The following TMTC2 variants were observed in gnomAD, a reference collection of about 807,000 sequenced individuals.
The protein encoded by TMTC2 is transmembrane O-mannosyltransferase targeting cadherins 2.
TMTC2 carries 43 observed loss-of-function variants against 82.4 expected under a neutral mutation model. That is an observed-to-expected ratio of 0.52 (90% CI 0.41 to 0.67). The LOEUF (loss-of-function observed/expected upper bound fraction) is 0.67. TMTC2 is among the 30% of genes least tolerant of loss of function. The pLI is 0.00. For synonymous variants in TMTC2, 408 were observed against 381.9 expected, an observed-to-expected ratio of 1.07 and a Z score of -0.80; for missense variants, 919 against 1,012.4, an observed-to-expected ratio of 0.91 and a Z score of 1.25.
At chr12:82,761,656 A>G (rs1876638969) in intron 1 of TMTC2, among the ~76,000 whole-genome samples, 2 of 151,800 alleles carry the variant, frequency 1.3e-5, no homozygotes, top group Admixed American at 1.3e-4. Context: ...TCTCTTTTCC[A>G]CCCCGGAACC....
At chr12:83,004,901 G>A (rs12425661) in intron 8 of TMTC2, among the ~76,000 whole-genome samples, 1 of 151,458 alleles carries the variant, frequency 6.6e-6, no homozygotes, top group Non-Finnish European at 1.5e-5. Flanking sequence ...AAGGCAGGCA[G>A]ATCAATTTGG....
intron 8 of TMTC2, among the ~76,000 whole-genome samples, chr12:83,014,208 G>A (rs369807757): frequency 1.3e-5 from 2 of 152,082 alleles, no homozygotes; most frequent in African/African-American, 2.4e-5. Flanking sequence ...TGTCACCCAG[G>A]CTGGAGTGTA....
chr12:82,956,527 G>A (rs1343599726), intron 4 of TMTC2, among the ~76,000 whole-genome samples: 12 of 152,056 alleles, frequency 7.9e-5, no homozygotes, highest in African/African-American at 2.9e-4. Context: ...TCAGCTCACT[G>A]CACCCTCCAT....
At chr12:82,989,843 C>A (rs1329670381) in intron 8 of TMTC2, among the ~76,000 whole-genome samples, 2 of 150,858 alleles carry the variant, frequency 1.3e-5, no homozygotes, top group Non-Finnish European at 3.0e-5. Flanking sequence ...AATTTTTAAT[C>A]CCCCCCACCA....
intron 11 of TMTC2, among the ~76,000 whole-genome samples, chr12:83,071,378 C>A (rs1883109078): frequency 6.6e-6 from 1 of 152,000 alleles, no homozygotes. Flanking sequence ...AGGATGGTCT[C>A]AATCTCCTGA....
At chr12:82,836,962 C>A (rs191181083) in intron 1 of TMTC2, among the ~76,000 whole-genome samples, 1 of 152,318 alleles carries the variant, frequency 6.6e-6, no homozygotes, top group Non-Finnish European at 1.5e-5. Context: ...AGTCTGCCAT[C>A]ACTTTTTTCC....
intron 4 of TMTC2, among the ~76,000 whole-genome samples, chr12:82,940,175 G>A (rs533572571): frequency 1.6e-4 from 25 of 151,828 alleles, no homozygotes; most frequent in Admixed American, 6.6e-4. Flanking sequence ...GCGCCACCAA[G>A]CCTGGCTAAT....
At chr12:82,987,909 G>T (rs957581320) in intron 8 of TMTC2, among the ~76,000 whole-genome samples, 6 of 152,122 alleles carry the variant, frequency 3.9e-5, no homozygotes, top group African/African-American at 1.4e-4. Flanking sequence ...TGTTGCTCCT[G>T]TCCTTTCTTT....
At chr12:83,099,760 G>A (rs1285504469) in intron 11 of TMTC2, among the ~76,000 whole-genome samples, 1 of 151,038 alleles carries the variant, frequency 6.6e-6, no homozygotes, top group Non-Finnish European at 1.5e-5. Context: ...CCAATTTTGG[G>A]TAACCTTACC....
At position 82,921,918 on chromosome 12, in the gene TMTC2, T is replaced by A. The variant is rs140804856; in HGVS notation, c.1484-8513T>A. Among the ~76,000 whole-genome samples, 950 of 149,538 alleles carry A rather than the reference T, an allele frequency of 6.4e-3. 11 individuals are homozygous for A. Among genetic ancestry groups the A allele is most frequent in the African/African-American group, 0.023 (920 of 40,554 alleles). On this transcript the variant is annotated intron_variant, in intron 3 of 11. Coordinates refer to ENST00000321196, the MANE Select transcript of TMTC2 (RefSeq NM_152588.3). Reference sequence around the variant, plus strand: ...TTTTTGACCAGCCTGGGCAACATAGTGAGACCCACCTCTACAAAAATTAAA... The same window carrying A: ...TTTTTGACCAGCCTGGGCAACATAGAGAGACCCACCTCTACAAAAATTAAA...
chr12:83,080,828 T>C (rs1270978698), intron 11 of TMTC2, among the ~76,000 whole-genome samples: 3 of 152,104 alleles, frequency 2.0e-5, no homozygotes, highest in African/African-American at 7.2e-5. Flanking sequence ...ATTCTTGAGG[T>C]TAATTCACAG....
At chr12:82,894,646 C>T (rs1592607367) in intron 2 of TMTC2, among the ~76,000 whole-genome samples, 1 of 152,110 alleles carries the variant, frequency 6.6e-6, no homozygotes, top group East Asian at 1.9e-4. Flanking sequence ...TGGTCTGCCT[C>T]TTTACGACTT....
At chr12:83,049,531 T>G (rs1592716427) in intron 9 of TMTC2, among the ~76,000 whole-genome samples, 1 of 152,342 alleles carries the variant, frequency 6.6e-6, no homozygotes, top group South Asian at 2.1e-4. Flanking sequence ...CCATGGTGTG[T>G]GTATACCACA....
At chr12:82,937,057 G>C (rs1003511009) in intron 4 of TMTC2, among the ~76,000 whole-genome samples, 1 of 152,062 alleles carries the variant, frequency 6.6e-6, no homozygotes, top group African/African-American at 2.4e-5. Flanking sequence ...TCTTGAATTG[G>C]ACATTTGTTG....
At chr12:82,920,496 A>C (rs1484529265) in intron 3 of TMTC2, among the ~76,000 whole-genome samples, 1 of 152,192 alleles carries the variant, frequency 6.6e-6, no homozygotes, top group Non-Finnish European at 1.5e-5. Context: ...CAGACTGTGG[A>C]CTAAGTACAA....
At chr12:82,717,421 G>T (rs1873954730) in intron 1 of TMTC2, among the ~76,000 whole-genome samples, 1 of 151,790 alleles carries the variant, frequency 6.6e-6, no homozygotes, top group South Asian at 2.1e-4. Context: ...AGTAGAGATG[G>T]GGTTTTACCA....
intron 2 of TMTC2, among the ~76,000 whole-genome samples, chr12:82,878,921 G>T (rs1159826845): frequency 6.6e-6 from 1 of 152,068 alleles, no homozygotes; most frequent in Non-Finnish European, 1.5e-5. Flanking sequence ...TGAACAAAGT[G>T]CCATTCCATG....
intron 9 of TMTC2, among the ~76,000 whole-genome samples, chr12:83,045,614 C>T (rs1882060575): frequency 6.6e-6 from 1 of 151,686 alleles, no homozygotes; most frequent in East Asian, 1.9e-4. Context: ...TCTATCTATA[C>T]ACATATGTGT....
At chr12:82,772,992 AT>A (rs1348295329) in intron 1 of TMTC2, among the ~76,000 whole-genome samples, 1 of 152,130 alleles carries the variant, frequency 6.6e-6, no homozygotes, top group South Asian at 2.1e-4. Flanking sequence ...TTTGAAAGGT[AT>A]TTTTTGTTTG....
Sources: allele counts gnomAD v4.1 joint callset (sites outside exome capture counted in the v4.1 genomes callset), GRCh38; gene constraint gnomAD v4.1.1; transcripts MANE v1.5; gene names NCBI Gene and HGNC (gene_info 2026-07-23, HGNC 2026-07-21).